ABHD1: variants seen among roughly 807,000 people sequenced by gnomAD.
ABHD1 encodes abhydrolase domain containing 1.
In ABHD1, 47 loss-of-function variants were observed where a neutral mutation model predicts 41.4. The ratio of observed to expected loss-of-function variants is 1.13; its 90% CI spans 0.90 to 1.45. The LOEUF (loss-of-function observed/expected upper bound fraction) is 1.45. Among genes scored for constraint, ABHD1 ranks in the 40% most tolerant of loss-of-function variants. The pLI is 0.00. For missense variants in ABHD1, 550 were observed against 503.4 expected, an observed-to-expected ratio of 1.09 and a Z score of -0.89; for synonymous variants, 205 against 203.7, an observed-to-expected ratio of 1.01 and a Z score of -0.05.
At position 27,129,888 on chromosome 2, in the gene ABHD1, A is replaced by G. The variant is rs778042196; in HGVS notation, c.752A>G (p.Asn251Ser). The change falls in exon 6 of 9, where the codon AAT becomes AGT. Residue 251 changes from asparagine to serine, a missense_variant. Transcript: ENST00000316470. ...ACCCCACTCAACTCACTGCTCTTCA[A>G]TCAGCCCCTCACTGCTGGGCTCTGC... ...LETPLNSLLF[N>S]QPLTAGLCQL... 22 of 1,613,952 alleles carry G rather than the reference A, an allele frequency of 1.4e-5. No homozygotes were observed. The Middle Eastern group carries it at 6.6e-4, about 48-fold the overall frequency.
rs767826162 is a variant in ABHD1, at chr2:27,128,615, G to C, written c.275+14G>C. 2.1e-5 allele frequency: 34 copies of C among 1,609,972 alleles called. No individual in the cohort carries two copies. Among genetic ancestry groups the C allele is most frequent in the Non-Finnish European group, 2.9e-5 (34 of 1,176,620 alleles). ...CCTTTATCAGAGGTAAGAAGGGACAGAACAGGGTGAACATGAAACCCCAGG... is the reference window on the plus strand; with the variant it reads ...CCTTTATCAGAGGTAAGAAGGGACACAACAGGGTGAACATGAAACCCCAGG... On this transcript the variant is annotated intron_variant, in intron 2 of 8. Coordinates refer to ENST00000316470, the MANE Select transcript of ABHD1 (RefSeq NM_032604.4).
chr2:27,128,826 C>T (rs1672087436), intron 2 of ABHD1, 119 bp from the exon 3 acceptor site: 7 of 1,305,082 alleles, frequency 5.4e-6, no homozygotes, highest in Non-Finnish European at 7.4e-6. Flanking sequence ...TGAAGAACAC[C>T]CTCAGATGAT....
Position 27,123,868 on chromosome 2 carries a change from G to C in ABHD1, c.-81G>C. ...CGGACCTGCACAGGCCGCCTATGGCGGGCGGCGGGTGGGACCGCGAGTTAC... is the reference window on the plus strand; with the variant it reads ...CGGACCTGCACAGGCCGCCTATGGCCGGCGGCGGGTGGGACCGCGAGTTAC... On this transcript the variant is annotated 5_prime_UTR_variant, in exon 1 of 9. Coordinates refer to ENST00000316470, the MANE Select transcript of ABHD1 (RefSeq NM_032604.4). 1 of 1,156,110 alleles carries C rather than the reference G, an allele frequency of 8.6e-7. No individual in the cohort carries two copies. Among genetic ancestry groups the C allele is most frequent in the South Asian group, 1.5e-5 (1 of 67,862 alleles). The allele number at this position is 1,156,110 out of a possible 1,614,324, so 71.6% of individuals were successfully genotyped here.
chr2:27,127,562 A>AG (rs1231268275), intron 1 of ABHD1, among the ~76,000 whole-genome samples: 2 of 53,732 alleles, frequency 3.7e-5, no homozygotes, highest in East Asian at 2.1e-3. Flanking sequence ...TCAAAAAAAA[A>AG]AAAAAAAAAG....
rs1672094635 is a variant in ABHD1, at chr2:27,128,946, G to A, written c.277G>A (p.Asp93Asn). The A allele has an allele frequency of 6.2e-7, 1 of 1,611,966 alleles. No individual in the cohort carries two copies. Among genetic ancestry groups the A allele is most frequent in the Non-Finnish European group, 8.5e-7 (1 of 1,179,310 alleles). ...GTGTGCCTCTTCCTCCAAAACCAGT[G>A]ACATCCTCCAAACACCAGATGGAGG... ...QSQPLVLYQS[D>N]ILQTPDGGQL... is the part of the protein sequence containing the mutation. The change falls in exon 3 of 9, where the codon GAC (aspartate) becomes AAC (asparagine). Residue 93 changes from aspartate (D) to asparagine (N), a missense_variant and splice_region_variant. Transcript: ENST00000316470.
Position 27,123,883 on chromosome 2 carries a change from C to T in ABHD1, c.-66C>T, listed in dbSNP as rs926735377. On this transcript the variant is annotated 5_prime_UTR_variant, in exon 1 of 9. Transcript: ENST00000316470. ...CGCCTATGGCGGGCGGCGGGTGGGA[C>T]CGCGAGTTACAGCCGGCCAACTGGG... The T allele has an allele frequency of 7.3e-7, 1 of 1,374,302 alleles. No homozygotes were observed. The highest frequency in any genetic ancestry group is 1.3e-5 in the South Asian group (1 of 75,972). 85.1% of individuals were successfully genotyped at this position (1,374,302 alleles called of 1,614,324 possible).
In ABHD1 at chr2:27,123,817, C is replaced by T. The variant is rs181018386; in HGVS notation, c.-132C>T. 3.0e-3 allele frequency: 2,126 copies of T among 706,626 alleles called. 36 individuals are homozygous for T. In the African/African-American group the frequency reaches 0.034, roughly 11 times the overall value. 43.8% of individuals were successfully genotyped at this position (706,626 alleles called of 1,614,324 possible). A position where few individuals can be genotyped will look rare whatever the true frequency, so the allele number is the denominator to read the frequency against. ...GGGCACCGGCGGTGGGCGGGGCCAG[C>T]AGCGCAAACTGCCTGCAGCGGGGAC... is the stretch of plus-strand genomic sequence containing the variant. On this transcript the variant is annotated 5_prime_UTR_variant, in exon 1 of 9. Coordinates refer to ENST00000316470, the MANE Select transcript of ABHD1 (RefSeq NM_032604.4).
intron 1 of ABHD1, 138 bp downstream of exon 1, chr2:27,124,200 C>T (rs751484716): frequency 7.5e-6 from 6 of 800,100 alleles, no homozygotes; most frequent in South Asian, 2.9e-5. Context: ...AATGGAGAGT[C>T]GGCTCTGCCT....
chr2:27,126,834 G>A (rs777982155), intron 1 of ABHD1: 2 of 152,070 alleles, frequency 1.3e-5, no homozygotes, highest in Non-Finnish European at 2.9e-5. Flanking sequence ...AGACGCAGTG[G>A]CTTACACCTG....
At chr2:27,127,810 T>G (rs1338016548) in intron 1 of ABHD1, among the ~76,000 whole-genome samples, 10 of 151,936 alleles carry the variant, frequency 6.6e-5, no homozygotes, top group Non-Finnish European at 1.5e-4. Context: ...TCCACCCACC[T>G]CGGCCTCCCA....
In ABHD1 at chr2:27,130,288, C is replaced by G. The variant is rs1466678507; in HGVS notation, c.878C>G (p.Ser293Cys). Residue 293 changes from serine (S) to cysteine (C), a missense_variant, in exon 8 of 9, where the codon TCT becomes TGT. Physicochemically the swap from Ser to Cys is moderately radical, Grantham distance 112. Coordinates refer to ENST00000316470, the MANE Select transcript of ABHD1 (RefSeq NM_032604.4). ...TIRQFDERYT[S>C]VAFGYQDCVT... is the part of the protein sequence containing the mutation. The stretch of plus-strand genomic sequence containing the variant: ...CGCCAGTTTGATGAGCGCTACACAT[C>G]TGTGGCCTTTGGATATCAAGACTGT... The G allele has an allele frequency of 4.3e-6, 7 of 1,614,160 alleles. No individual in the cohort carries two copies. Among genetic ancestry groups the G allele is most frequent in the Non-Finnish European group, 5.9e-6 (7 of 1,180,016 alleles).
Position 27,129,226 on chromosome 2 carries a change from AG to A in ABHD1, c.459-87del, listed in dbSNP as rs1672109724. On this transcript the variant is annotated intron_variant, in intron 3 of 8. Transcript: ENST00000316470. ...GATAGATAAGAAGAATGCTACACAA[AG>A]GGAGTCTTTGGACAGGGGTCTTTCT... 3.8e-6 allele frequency: 6 copies of A among 1,599,442 alleles called. No homozygotes were observed. The African/African-American group carries it at 4.0e-5, about 11-fold the overall frequency.
chr2:27,129,276 T>C (rs1672112517), intron 3 of ABHD1, 40 bp from the exon 4 acceptor site: 1 of 1,613,144 alleles, frequency 6.2e-7, no homozygotes, highest in Non-Finnish European at 8.5e-7. Flanking sequence ...GGAGAGGGGC[T>C]AAGAAGGGTC....
At position 27,129,774 on chromosome 2, in the gene ABHD1, T is replaced by C; in HGVS notation, c.638T>C (p.Leu213Pro). 1.9e-6 allele frequency: 3 copies of C among 1,614,174 alleles called. No individual in the cohort carries two copies. Among genetic ancestry groups the C allele is most frequent in the Non-Finnish European group, 2.5e-6 (3 of 1,180,022 alleles). The change falls in exon 6 of 9, where the codon CTG (leucine) becomes CCG (proline). Residue 213 changes from leucine (L) to proline (P), a missense_variant. Transcript: ENST00000316470. Reference protein sequence around the residue: ...SFGGILVLNHLAQARQAAGLV... With the variant: ...SFGGILVLNHPAQARQAAGLV... ...CACAGGATACTGGTGCTGAATCACC[T>C]GGCACAGGCCAGGCAGGCTGCAGGG...
At chr2:27,126,326 T>C (rs1240080759) in intron 1 of ABHD1, 1 of 152,246 alleles carries the variant, frequency 6.6e-6, no homozygotes, top group African/African-American at 2.4e-5. Context: ...ATCTCATAAG[T>C]TTGGGCTTAG....
Position 27,130,268 on chromosome 2 carries a change from G to A in ABHD1, c.858G>A (p.Gln286=). 1 of 1,614,172 alleles carries A rather than the reference G, an allele frequency of 6.2e-7. No homozygotes were observed. The highest frequency in any genetic ancestry group is 8.5e-7 in the Non-Finnish European group (1 of 1,180,032). ...DFVLQARTIR[Q]FDERYTSVAF... ...ACCTGCAGGCCCGTACAATCCGCCAGTTTGATGAGCGCTACACATCTGTGG... is the reference window on the plus strand; with the variant it reads ...ACCTGCAGGCCCGTACAATCCGCCAATTTGATGAGCGCTACACATCTGTGG... Residue 286 remains glutamine, a synonymous_variant, in exon 8 of 9, where the codon CAG becomes CAA. Coordinates refer to ENST00000316470, the MANE Select transcript of ABHD1 (RefSeq NM_032604.4).
intron 5 of ABHD1, 58 bp downstream of exon 5, chr2:27,129,684 G>T: frequency 3.0e-5 from 48 of 1,609,468 alleles, no homozygotes; most frequent in Non-Finnish European, 4.0e-5. Context: ...CCTCCTCCAT[G>T]TCCCCTTCCT....
chr2:27,129,562 G>A lies in ABHD1; in HGVS notation c.553G>A (p.Val185Met), dbSNP rs745912691. ...CAATACTGAAGATCTAGAGACAGTC[G>A]TGAACCACATAAAGCATCGTTATCC... ...ASNTEDLETV[V>M]NHIKHRYPQA... Residue 185 changes from valine to methionine, a missense_variant, in exon 5 of 9, where the codon GTG becomes ATG. Transcript: ENST00000316470. 2.9e-5 allele frequency: 47 copies of A among 1,613,912 alleles called. 2 individuals are homozygous for A. The highest frequency in any genetic ancestry group is 2.6e-4 in the South Asian group (24 of 91,084).
intron 1 of ABHD1, 132 bp downstream of exon 1, chr2:27,124,194 G>A: frequency 2.4e-6 from 2 of 830,732 alleles, no homozygotes; most frequent in South Asian, 1.4e-5. Flanking sequence ...CCACCGAATG[G>A]AGAGTCGGCT....
Sources: allele counts gnomAD v4.1 joint callset (sites outside exome capture counted in the v4.1 genomes callset), GRCh38; gene constraint gnomAD v4.1.1; transcripts MANE v1.5; gene names NCBI Gene and HGNC (gene_info 2026-07-23, HGNC 2026-07-21).